The following JAK1 variants were observed in gnomAD, a reference collection of about 807,000 sequenced individuals.
JAK1 encodes Janus kinase 1.
Under a neutral mutation model 136.6 loss-of-function variants are expected in JAK1, and 16 were observed. That is an observed-to-expected ratio of 0.12 (90% CI 0.08 to 0.18). JAK1 has a LOEUF of 0.18. JAK1 is among the 10% of genes least tolerant of loss of function. JAK1 has a pLI of 1.00. For synonymous variants in JAK1, 492 were observed against 519.5 expected (o/e 0.95, Z 0.72); for missense variants, 859 against 1,450.1 (o/e 0.59, Z 6.62).
chr1:65,052,352 G>A (rs996792235), intron 1 of JAK1, among the ~76,000 whole-genome samples: 3 of 151,948 alleles, frequency 2.0e-5, no homozygotes, highest in Admixed American at 6.6e-5. Flanking sequence ...TACCTAACTC[G>A]TTCATGCTTC....
intron 4 of JAK1, among the ~76,000 whole-genome samples, chr1:64,876,819 G>GAAAAA (rs1309763060): frequency 6.6e-6 from 1 of 151,610 alleles, no homozygotes; most frequent in Admixed American, 6.6e-5. Flanking sequence ...AAAGGAGAAA[G>GAAAAA]AAAAAAAAGA....
chr1:65,059,608 G>A lies in JAK1; in HGVS notation c.-181+7996C>T, dbSNP rs192716966. Among the ~76,000 whole-genome samples the A allele has an allele frequency of 3.3e-3, 509 of 152,170 alleles. 5 individuals are homozygous for A. Among genetic ancestry groups the A allele is most frequent in the African/African-American group, 0.011 (446 of 41,528 alleles). On this transcript the variant is annotated intron_variant, in intron 1 of 25. Transcript: ENST00000671954. ...TTTAAATTATCTGTACCTTTGAGACGTACTCTGAAGTCATTTTAGGGATGA... is the reference window on the plus strand; with the variant it reads ...TTTAAATTATCTGTACCTTTGAGACATACTCTGAAGTCATTTTAGGGATGA...
At chr1:65,001,781 GT>G (rs1303113118) in intron 2 of JAK1, among the ~76,000 whole-genome samples, 1 of 151,728 alleles carries the variant, frequency 6.6e-6, no homozygotes, top group Non-Finnish European at 1.5e-5. Flanking sequence ...TGGTATGTGT[GT>G]TTGAGGGGTA....
intron 2 of JAK1, among the ~76,000 whole-genome samples, chr1:65,001,130 AC>A (rs1646752223): frequency 6.6e-6 from 1 of 151,506 alleles, no homozygotes; most frequent in Non-Finnish European, 1.5e-5. Flanking sequence ...TGATTATTAA[AC>A]CCCTCCCAAA....
At chr1:65,028,817 G>A (rs1646999777) in intron 2 of JAK1, among the ~76,000 whole-genome samples, 1 of 152,180 alleles carries the variant, frequency 6.6e-6, no homozygotes, top group Admixed American at 6.5e-5. Flanking sequence ...CAAGGAGGGT[G>A]AGGCCCAAAT....
At chr1:64,874,831 C>T (rs147920673) in intron 4 of JAK1, among the ~76,000 whole-genome samples, 22 of 152,294 alleles carry the variant, frequency 1.4e-4, no homozygotes, top group Non-Finnish European at 3.1e-4. Context: ...GAGCCTAAGA[C>T]AAGCCAGGCC....
intron 1 of JAK1, among the ~76,000 whole-genome samples, chr1:64,900,126 G>C (rs1645082122): frequency 6.6e-6 from 1 of 152,180 alleles, no homozygotes; most frequent in African/African-American, 2.4e-5. Flanking sequence ...GCTGGGAGTA[G>C]GAATTCAGGA....
chr1:65,066,126 CT>C (rs1648029642), intron 1 of JAK1, among the ~76,000 whole-genome samples: 1 of 152,160 alleles, frequency 6.6e-6, no homozygotes, highest in South Asian at 2.1e-4. Context: ...CTCACCTCTC[CT>C]TCAAAGCAGG....
chr1:64,968,706 C>T (rs1646421957), upstream of JAK1, among the ~76,000 whole-genome samples: 1 of 152,052 alleles, frequency 6.6e-6, no homozygotes. Context: ...CCGAGGTGGG[C>T]CAATCACTTG....
At chr1:65,027,078 A>T (rs1301422764) in intron 2 of JAK1, among the ~76,000 whole-genome samples, 1 of 150,982 alleles carries the variant, frequency 6.6e-6, no homozygotes, top group Non-Finnish European at 1.5e-5. Context: ...ATGGAGTATC[A>T]CTCTGTTGCC....
At chr1:65,067,145 C>T (rs1165485695) in intron 1 of JAK1, among the ~76,000 whole-genome samples, 4 of 151,724 alleles carry the variant, frequency 2.6e-5, no homozygotes, top group African/African-American at 7.2e-5. Context: ...AGGCCCGGCC[C>T]GGCCCGCCCC....
chr1:64,917,384 C>A (rs1645416984), intron 1 of JAK1, among the ~76,000 whole-genome samples: 2 of 152,128 alleles, frequency 1.3e-5, no homozygotes, highest in Non-Finnish European at 1.5e-5. Flanking sequence ...CTGAAAATAA[C>A]AGGAGACAGG....
chr1:64,992,161 CCT>C (rs1167714013), intron 2 of JAK1: 4 of 150,966 alleles, frequency 2.6e-5, no homozygotes, highest in Non-Finnish European at 5.9e-5. Flanking sequence ...GGGCGTATCC[CCT>C]GAGGTCAGGA....
rs1645144613 is a variant in JAK1, at chr1:64,903,578, T to TG, written c.-77-17238dup. On this transcript the variant is annotated intron_variant, in intron 1 of 24. Transcript: ENST00000342505. ...TGCACAAGGTTTAGAATCACATACC[T>TG]GGGTCCTAATTCTGGCTTTTCAGTC... Among the ~76,000 whole-genome samples, 3 of 152,326 alleles carry TG rather than the reference T, an allele frequency of 2.0e-5. No homozygotes were observed. The South Asian group carries it at 6.2e-4, about 32-fold the overall frequency.
At chr1:65,058,616 G>A in intron 1 of JAK1, 1 of 441,350 alleles carries the variant, frequency 2.3e-6, no homozygotes, top group South Asian at 1.7e-5. Flanking sequence ...TCTGGTTGGA[G>A]ACGTGAGGAG....
chr1:64,996,491 A>G (rs908475155), intron 2 of JAK1, among the ~76,000 whole-genome samples: 1 of 152,266 alleles, frequency 6.6e-6, no homozygotes, highest in Non-Finnish European at 1.5e-5. Context: ...GTAGAGAAAA[A>G]GAAACAAATC....
Position 64,841,620 on chromosome 1 carries a change from C to A in JAK1, c.2404-19G>T, listed in dbSNP as rs2100977485. 6.2e-7 allele frequency: 1 copy of A among 1,612,968 alleles called. No individual in the cohort carries two copies. Among genetic ancestry groups the A allele is most frequent in the African/African-American group, 1.3e-5 (1 of 75,018 alleles). ...TCTCTTTCTGTAAACAAGAGGGGCA[C>A]ATGGAAGAAACCAAAGGAACCACCT... On this transcript the variant is annotated intron_variant, in intron 17 of 24. Coordinates refer to ENST00000342505, the MANE Select transcript of JAK1 (RefSeq NM_002227.4).
chr1:64,971,838 C>T (rs12129994), intron 2 of JAK1, among the ~76,000 whole-genome samples: 1 of 152,172 alleles, frequency 6.6e-6, no homozygotes, highest in South Asian at 2.1e-4. Flanking sequence ...AGATTACAGG[C>T]GTAAGCCACC....
chr1:64,852,822 C>G (rs1389463998), intron 11 of JAK1, among the ~76,000 whole-genome samples: 2 of 152,112 alleles, frequency 1.3e-5, no homozygotes, highest in Non-Finnish European at 2.9e-5. Context: ...GCCTTCAGTG[C>G]CCGGTATGGA....
Sources: gnomAD v4.1 joint callset for allele counts (sites outside exome capture counted in the v4.1 genomes callset) on GRCh38, gnomAD v4.1.1 for gene constraint, MANE v1.5 for transcripts, NCBI Gene and HGNC (gene_info 2026-07-23, HGNC 2026-07-21) for gene names.